CTIF: variants seen among roughly 807,000 people sequenced by gnomAD.
CTIF encodes the protein CBP80/20-dependent translation initiation factor.
In CTIF, 21 loss-of-function variants were observed where a neutral mutation model predicts 66.0. The observed-to-expected ratio is 0.32, with a 90% confidence interval of 0.23 to 0.46. The LOEUF is 0.46. Ranked by LOEUF, CTIF falls within the 20% of genes least tolerant of loss-of-function variation. The pLI is 1.00. For missense variants in CTIF, 739 were observed against 812.7 expected (o/e 0.91, Z 1.10); for synonymous variants, 345 against 326.4 (o/e 1.06, Z -0.62).
At chr18:48,556,952 A>G (rs1017385842) in intron 1 of CTIF, among the ~76,000 whole-genome samples, 4 of 152,226 alleles carry the variant, frequency 2.6e-5, no homozygotes, top group African/African-American at 7.2e-5. Context: ...TGTCTACTTC[A>G]TAAGGCTGCT....
At chr18:48,682,471 T>G (rs1163145727) in intron 6 of CTIF, among the ~76,000 whole-genome samples, 1 of 152,184 alleles carries the variant, frequency 6.6e-6, no homozygotes, top group African/African-American at 2.4e-5. Flanking sequence ...GTGGTCTGCA[T>G]TTTAACAAGC....
chr18:48,696,135 A>C (rs1206213436), intron 6 of CTIF, among the ~76,000 whole-genome samples: 1 of 152,252 alleles, frequency 6.6e-6, no homozygotes, highest in Admixed American at 6.5e-5. Context: ...TAGCATCTGC[A>C]ACGTGTAAGA....
Position 48,859,532 on chromosome 18 carries a change from C to T in CTIF, c.1770C>T (p.Asn590=). 1 of 1,614,120 alleles carries T rather than the reference C, an allele frequency of 6.2e-7. No individual in the cohort carries two copies. Among genetic ancestry groups the T allele is most frequent in the Non-Finnish European group, 8.5e-7 (1 of 1,180,034 alleles). ...PLTPPITQYY[N]RTIQKLTA is the part of the protein sequence containing the mutation. The stretch of plus-strand genomic sequence containing the variant: ...CGCCCCCCATCACGCAGTACTACAA[C>T]AGAACCATCCAGAAACTGACAGCCT... The change falls in exon 12 of 12, where the codon AAC becomes AAT. Residue 590 remains asparagine, a synonymous_variant. Coordinates refer to ENST00000256413, the MANE Select transcript of CTIF (RefSeq NM_014772.3).
chr18:48,753,115 G>T (rs1052469715), intron 7 of CTIF, among the ~76,000 whole-genome samples: 16 of 152,236 alleles, frequency 1.1e-4, no homozygotes, highest in Admixed American at 1.0e-3. Context: ...CTCACTCAGG[G>T]CATGTGTAGG....
At chr18:48,818,500 A>G (rs2068416412) in intron 10 of CTIF, among the ~76,000 whole-genome samples, 1 of 152,122 alleles carries the variant, frequency 6.6e-6, no homozygotes, top group Non-Finnish European at 1.5e-5. Context: ...GTCCCTAGGG[A>G]ACTGCCCGGA....
At chr18:48,587,095 T>TA (rs2089786876) in intron 1 of CTIF, among the ~76,000 whole-genome samples, 1 of 148,494 alleles carries the variant, frequency 6.7e-6, no homozygotes, top group Admixed American at 6.7e-5. Flanking sequence ...TTTTTTTTTT[T>TA]AATTGAGACG....
intron 5 of CTIF, among the ~76,000 whole-genome samples, chr18:48,666,548 G>T (rs561140580): frequency 6.6e-6 from 1 of 152,242 alleles, no homozygotes; most frequent in Admixed American, 6.5e-5. Flanking sequence ...GCATGCACAC[G>T]TGTGTGTTGC....
At chr18:48,664,903 TTC>T (rs1278148534) in intron 5 of CTIF, among the ~76,000 whole-genome samples, 1 of 72,364 alleles carries the variant, frequency 1.4e-5, no homozygotes, top group African/African-American at 4.2e-5. Context: ...GGCTGTGTGT[TTC>T]TTTCTTTTTT....
At chr18:48,773,288 T>A (rs1296212254) in intron 9 of CTIF, among the ~76,000 whole-genome samples, 1 of 152,244 alleles carries the variant, frequency 6.6e-6, no homozygotes, top group Admixed American at 6.5e-5. Context: ...GACTTAAAGA[T>A]GTTTTACATC....
chr18:48,568,967 G>T (rs59090565), intron 1 of CTIF, among the ~76,000 whole-genome samples: 1 of 152,270 alleles, frequency 6.6e-6, no homozygotes, highest in African/African-American at 2.4e-5. Flanking sequence ...AGCCAACCCA[G>T]ATCAGTTGCT....
chr18:48,738,207 C>T (rs2092520904), intron 7 of CTIF, among the ~76,000 whole-genome samples: 1 of 152,220 alleles, frequency 6.6e-6, no homozygotes, highest in African/African-American at 2.4e-5. Flanking sequence ...ATCTTCAAAG[C>T]AGATCCAGGA....
intron 7 of CTIF, among the ~76,000 whole-genome samples, chr18:48,724,521 C>A (rs760926385): frequency 3.3e-5 from 5 of 152,222 alleles, no homozygotes; most frequent in Admixed American, 1.3e-4. Context: ...TCCTGCTGGC[C>A]TCCTCTGATT....
intron 5 of CTIF, among the ~76,000 whole-genome samples, chr18:48,666,080 GA>G (rs1430889560): frequency 7.2e-5 from 11 of 152,188 alleles, no homozygotes; most frequent in African/African-American, 2.7e-4. Flanking sequence ...CAATGTATGA[GA>G]TTCCAATTTC....
chr18:48,623,266 C>T (rs1156304162), intron 2 of CTIF, among the ~76,000 whole-genome samples: 3 of 152,212 alleles, frequency 2.0e-5, no homozygotes, highest in Admixed American at 6.5e-5. Flanking sequence ...GGAATTCCCT[C>T]GAAGAATGCA....
chr18:48,810,770 T>C (rs941664526), intron 9 of CTIF, among the ~76,000 whole-genome samples: 4 of 151,708 alleles, frequency 2.6e-5, no homozygotes, highest in Admixed American at 6.5e-5. Flanking sequence ...ATCTATACTA[T>C]AAAGTCTATA....
At chr18:48,602,787 G>A (rs1438605639) in intron 1 of CTIF, among the ~76,000 whole-genome samples, 1 of 152,116 alleles carries the variant, frequency 6.6e-6, no homozygotes, top group Non-Finnish European at 1.5e-5. Flanking sequence ...GGACATATGG[G>A]TGGATGGATG....
chr18:48,744,363 A>C (rs1413225677), intron 7 of CTIF, among the ~76,000 whole-genome samples: 1 of 152,180 alleles, frequency 6.6e-6, no homozygotes, highest in African/African-American at 2.4e-5. Context: ...GCCTTTGTTG[A>C]GATTGGCATT....
At chr18:48,799,132 A>G (rs1264004708) in intron 9 of CTIF, among the ~76,000 whole-genome samples, 1 of 152,210 alleles carries the variant, frequency 6.6e-6, no homozygotes, top group Non-Finnish European at 1.5e-5. Context: ...GAGCTCTGCA[A>G]GGCCAGGATC....
At chr18:48,581,927 A>G (rs1240548404) in intron 1 of CTIF, among the ~76,000 whole-genome samples, 1 of 152,110 alleles carries the variant, frequency 6.6e-6, no homozygotes, top group East Asian at 1.9e-4. Context: ...ATATGGGCCA[A>G]AGCGGGGCAG....
Sources: allele counts gnomAD v4.1 joint callset (sites outside exome capture counted in the v4.1 genomes callset), GRCh38; gene constraint gnomAD v4.1.1; transcripts MANE v1.5; gene names NCBI Gene and HGNC (gene_info 2026-07-23, HGNC 2026-07-21).